The following JAKMIP1 variants were observed in gnomAD, a reference collection of about 807,000 sequenced individuals.
JAKMIP1 encodes janus kinase and microtubule interacting protein 1.
In JAKMIP1, 33 loss-of-function variants were observed where a neutral mutation model predicts 113.0. The observed-to-expected ratio is 0.29, with a 90% CI of 0.22 to 0.39. The LOEUF is 0.39. Ranked by LOEUF, JAKMIP1 falls within the 10% of genes least tolerant of loss-of-function variation. JAKMIP1 has a pLI of 1.00. For missense variants in JAKMIP1, 813 were observed against 1,080.5 expected (o/e 0.75, Z 3.47); for synonymous variants, 480 against 459.9 (o/e 1.04, Z -0.56).
intron 10 of JAKMIP1, 34 bp downstream of exon 10, chr4:6,062,278 C>T: frequency 6.2e-7 from 1 of 1,610,758 alleles, no homozygotes. Flanking sequence ...GGCCTTCGGC[C>T]CCTCCCTCGA....
At chr4:6,182,979 C>G (rs909024115) in intron 1 of JAKMIP1, among the ~76,000 whole-genome samples, 10 of 152,236 alleles carry the variant, frequency 6.6e-5, no homozygotes, top group Admixed American at 6.5e-5. Context: ...GCTCCCAAGG[C>G]AGCCCTTCCT....
chr4:6,113,719 C>G (rs12186253), intron 1 of JAKMIP1, among the ~76,000 whole-genome samples: 1 of 152,270 alleles, frequency 6.6e-6, no homozygotes, highest in East Asian at 1.9e-4. Context: ...TCGGAAAGCC[C>G]GCCTCTGCTC....
chr4:6,131,080 C>A (rs529120351), intron 1 of JAKMIP1, among the ~76,000 whole-genome samples: 1 of 142,010 alleles, frequency 7.0e-6, no homozygotes, highest in Non-Finnish European at 1.5e-5. Flanking sequence ...GAGGATCACC[C>A]GGGCTCAGGA....
At chr4:6,085,102 G>T in intron 4 of JAKMIP1, 137 bp from the exon 5 acceptor site, 1 of 1,114,932 alleles carries the variant, frequency 9.0e-7, no homozygotes, top group Non-Finnish European at 1.2e-6. Context: ...CACACAGCAA[G>T]GTGGGGAACA....
At chr4:6,100,616 T>C (rs2108863806) in intron 3 of JAKMIP1, among the ~76,000 whole-genome samples, 1 of 152,346 alleles carries the variant, frequency 6.6e-6, no homozygotes, top group South Asian at 2.1e-4. Flanking sequence ...ACAGAGTCCG[T>C]AGGTGTCCTT....
In JAKMIP1 at chr4:6,185,258, C is replaced by A. The variant is rs1056096427; in HGVS notation, c.-148+14995G>T. On this transcript the variant is annotated intron_variant, in intron 1 of 20. Transcript: ENST00000409021. The surrounding 1 kb of genome is among the most constrained non-coding windows in gnomAD (Gnocchi z 5.3). ...TCTATCCTATCAGTTCTGTCCCTCT[C>A]GAGAACCCTGACTAATACAAGTGGG... Among the ~76,000 whole-genome samples, 6 of 152,218 alleles carry A rather than the reference C, an allele frequency of 3.9e-5. No individual in the cohort carries two copies. The highest frequency in any genetic ancestry group is 8.8e-5 in the Non-Finnish European group (6 of 68,036).
At chr4:6,046,595 G>A (rs756862577) in intron 16 of JAKMIP1, among the ~76,000 whole-genome samples, 102 of 152,166 alleles carry the variant, frequency 6.7e-4, no homozygotes, top group Non-Finnish European at 1.2e-3. Flanking sequence ...AGTGGGGGTG[G>A]GCAGGGTGCA....
rs4689330 is a variant in JAKMIP1 at position 6,076,772 on chromosome 4, A to G, written c.1302+2167T>C. On this transcript the variant is annotated intron_variant, in intron 8 of 20. Transcript: ENST00000409021. The surrounding 1 kb of genome is among the most constrained non-coding windows in gnomAD (Gnocchi z 4.8). Reference sequence around the variant, plus strand: ...TATCTTGGGGATGGGACCCAAGTCTAAACATGAAATTCATTTGTTTCATAT... The same window carrying G: ...TATCTTGGGGATGGGACCCAAGTCTGAACATGAAATTCATTTGTTTCATAT... Among the ~76,000 whole-genome samples the G allele has an allele frequency of 0.34, 51,698 of 152,106 alleles. 9,182 individuals are homozygous for G. Among genetic ancestry groups the G allele is most frequent in the East Asian group, 0.61 (3,156 of 5,168 alleles).
chr4:6,095,756 G>A (rs190440431), intron 3 of JAKMIP1, among the ~76,000 whole-genome samples: 10 of 152,236 alleles, frequency 6.6e-5, no homozygotes, highest in East Asian at 1.9e-4. Context: ...GGGCAGGAGC[G>A]TGCATAAAGC....
chr4:6,164,849 C>G (rs1478242572), intron 1 of JAKMIP1, among the ~76,000 whole-genome samples: 1 of 152,238 alleles, frequency 6.6e-6, no homozygotes, highest in African/African-American at 2.4e-5. Context: ...ATCTCATGAT[C>G]AAACTTGAAC....
At chr4:6,073,049 A>C (rs1002181737) in intron 8 of JAKMIP1, among the ~76,000 whole-genome samples, 1 of 149,656 alleles carries the variant, frequency 6.7e-6, no homozygotes, top group African/African-American at 2.5e-5. Flanking sequence ...CTACACTCCA[A>C]CCTGGGCGAC....
At chr4:6,134,739 T>C (rs1305963483) in intron 1 of JAKMIP1, among the ~76,000 whole-genome samples, 1 of 152,184 alleles carries the variant, frequency 6.6e-6, no homozygotes, top group Non-Finnish European at 1.5e-5. Context: ...TGAAATGGAC[T>C]CAATCTGTCC....
intron 8 of JAKMIP1, among the ~76,000 whole-genome samples, chr4:6,077,449 C>T (rs561981717): frequency 1.3e-5 from 2 of 150,784 alleles, no homozygotes; most frequent in African/African-American, 4.9e-5. Context: ...AGCATTCTGG[C>T]CTCTAGAACT....
In JAKMIP1 at chr4:6,137,324, C is replaced by T. The variant is rs1258966340; in HGVS notation, c.-147-24327G>A. On this transcript the variant is annotated intron_variant, in intron 1 of 20. Transcript: ENST00000409021. This position sits in a 1 kb window ranked among gnomAD's most constrained non-coding sequence, Gnocchi z 4.5. ...GCCACAGTGGCTGCAAGACGGCACG[C>T]GCTGGCATTTTCCTAACAGACGGAT... Among the ~76,000 whole-genome samples the T allele has an allele frequency of 1.3e-5, 2 of 152,196 alleles. No individual in the cohort carries two copies. Among genetic ancestry groups the T allele is most frequent in the African/African-American group, 2.4e-5 (1 of 41,442 alleles).
rs1722439309 is a variant in JAKMIP1 at position 6,093,892 on chromosome 4, CCA to C, written c.625-8265_625-8264del. Reference sequence around the variant, plus strand: ...GTCTGGTCAACCTGTGTGCAGGGCTCCAGAGTCCCACCTGCCCAGGAGGCTGC... The same window carrying C: ...GTCTGGTCAACCTGTGTGCAGGGCTCGAGTCCCACCTGCCCAGGAGGCTGC... On this transcript the variant is annotated intron_variant, in intron 3 of 20. Coordinates refer to ENST00000409021, the MANE Select transcript of JAKMIP1 (RefSeq NM_001099433.2). This position sits in a 1 kb window ranked among gnomAD's most constrained non-coding sequence, Gnocchi z 4.6. Among the ~76,000 whole-genome samples the C allele has an allele frequency of 6.6e-6, 1 of 152,046 alleles. No individual in the cohort carries two copies. The highest frequency in any genetic ancestry group is 2.4e-5 in the African/African-American group (1 of 41,392).
At chr4:6,085,194 CT>C (rs1228656801) in intron 4 of JAKMIP1, among the ~76,000 whole-genome samples, 1 of 152,074 alleles carries the variant, frequency 6.6e-6, no homozygotes, top group Non-Finnish European at 1.5e-5. Flanking sequence ...CCCTGGGGCC[CT>C]TGTGGTCAGG....
intron 1 of JAKMIP1, among the ~76,000 whole-genome samples, chr4:6,163,198 G>A (rs758568530): frequency 2.0e-5 from 3 of 152,186 alleles, no homozygotes; most frequent in Admixed American, 6.5e-5. Context: ...ATCGTGCTTC[G>A]CAGATATTAC....
rs1226961099 is a variant in JAKMIP1, at chr4:6,183,548, T to C, written c.-148+16705A>G. Among the ~76,000 whole-genome samples the C allele has an allele frequency of 6.8e-6, 1 of 147,332 alleles. No homozygotes were observed. The highest frequency in any genetic ancestry group is 1.5e-5 in the Non-Finnish European group (1 of 65,716). ...TAAAATGGAACAGAAACTTCAGTAC[T>C]CAGGGTGCTGGGACTTGGTTTTCAA... On this transcript the variant is annotated intron_variant, in intron 1 of 20. Transcript: ENST00000409021. This position sits in a 1 kb window ranked among gnomAD's most constrained non-coding sequence, Gnocchi z 5.3.
rs553301342 is a variant in JAKMIP1, at chr4:6,187,142, T to G, written c.-148+13111A>C. 2.0e-5 allele frequency among the ~76,000 whole-genome samples: 3 copies of G among 152,268 alleles called. No individual in the cohort carries two copies. The South Asian group carries it at 6.2e-4, about 32-fold the overall frequency. ...ACCATGCCCAGCCCACTTCTGTCAG[T>G]TTTTGCTTCATATATTTTGGTGCTC... On this transcript the variant is annotated intron_variant, in intron 1 of 20. Coordinates refer to ENST00000409021, the MANE Select transcript of JAKMIP1 (RefSeq NM_001099433.2). This position sits in a 1 kb window ranked among gnomAD's most constrained non-coding sequence, Gnocchi z 4.2.
Sources: allele counts gnomAD v4.1 joint callset (sites outside exome capture counted in the v4.1 genomes callset), GRCh38; gene constraint gnomAD v4.1.1; non-coding constraint Gnocchi (gnomAD v3.1); transcripts MANE v1.5; gene names NCBI Gene and HGNC (gene_info 2026-07-23, HGNC 2026-07-21).